The following EPHA6 variants were observed in gnomAD, a reference collection of about 807,000 sequenced individuals.
The protein encoded by EPHA6 is EPH receptor A6.
A neutral mutation model predicts 112.0 loss-of-function variants in EPHA6; 50 were observed. The ratio of observed to expected loss-of-function variants is 0.45; its 90% CI spans 0.36 to 0.56. EPHA6 has a LOEUF of 0.56. Ranked by LOEUF, EPHA6 falls within the 20% of genes least tolerant of loss-of-function variation. The pLI is 0.00. For missense variants in EPHA6, 1,280 were observed against 1,417.4 expected (o/e 0.90, Z 1.56); for synonymous variants, 529 against 490.7 (o/e 1.08, Z -1.03).
At chr3:97,074,217 T>A (rs1364650378) in intron 3 of EPHA6, among the ~76,000 whole-genome samples, 2 of 152,002 alleles carry the variant, frequency 1.3e-5, no homozygotes, top group Non-Finnish European at 2.9e-5. Context: ...CAATAGAAAA[T>A]CAACATACTT....
At chr3:96,842,127 A>G (rs1000989472) in intron 1 of EPHA6, among the ~76,000 whole-genome samples, 3 of 152,248 alleles carry the variant, frequency 2.0e-5, no homozygotes, top group East Asian at 1.9e-4. Context: ...CCTAAAAGGA[A>G]GATCTGATTC....
At chr3:97,573,444 C>A (rs1405303622) in intron 11 of EPHA6, among the ~76,000 whole-genome samples, 2 of 152,016 alleles carry the variant, frequency 1.3e-5, no homozygotes, top group Admixed American at 6.6e-5. Context: ...TTAAAGAGTT[C>A]TTTTATAGTC....
intron 6 of EPHA6, among the ~76,000 whole-genome samples, chr3:97,445,353 T>C (rs1487506511): frequency 2.0e-5 from 3 of 152,148 alleles, no homozygotes; most frequent in South Asian, 2.1e-4. Flanking sequence ...CACGCAACTA[T>C]GCCTTTGGAG....
At chr3:96,954,369 T>C (rs543210746) in intron 2 of EPHA6, among the ~76,000 whole-genome samples, 7 of 152,198 alleles carry the variant, frequency 4.6e-5, no homozygotes, top group East Asian at 3.9e-4. Context: ...CCAATATCTC[T>C]TTGAACTCAG....
chr3:97,485,693 G>C (rs1204688197), intron 10 of EPHA6, among the ~76,000 whole-genome samples: 1 of 152,196 alleles, frequency 6.6e-6, no homozygotes, highest in Non-Finnish European at 1.5e-5. Context: ...ACATCAGCAG[G>C]CATAATTGAG....
rs1427732634 is a variant in EPHA6, at chr3:97,077,509, A to G, written c.1114+89516A>G. 5.9e-5 allele frequency among the ~76,000 whole-genome samples: 9 copies of G among 152,204 alleles called. No individual in the cohort carries two copies. The East Asian group carries it at 1.7e-3, about 29-fold the overall frequency. On this transcript the variant is annotated intron_variant, in intron 3 of 17. Coordinates refer to ENST00000389672, the MANE Select transcript of EPHA6 (RefSeq NM_001080448.3). ...TACCCATCAACCCATCATTTACATT[A>G]GGTATTTCTCCCAGTACTATCCCTG...
intron 4 of EPHA6, among the ~76,000 whole-genome samples, chr3:97,243,212 G>C (rs1327710467): frequency 1.3e-5 from 2 of 151,656 alleles, no homozygotes; most frequent in Non-Finnish European, 2.9e-5. Context: ...GTCTCTTTTA[G>C]GCCCACGCTT....
intron 14 of EPHA6, among the ~76,000 whole-genome samples, chr3:97,645,884 T>C (rs1198689950): frequency 6.6e-6 from 1 of 152,128 alleles, no homozygotes; most frequent in Non-Finnish European, 1.5e-5. Flanking sequence ...TATTTGTAAA[T>C]GTTTTTTATA....
chr3:97,397,244 C>A (rs1261327444), intron 5 of EPHA6, among the ~76,000 whole-genome samples: 1 of 151,536 alleles, frequency 6.6e-6, no homozygotes, highest in Non-Finnish European at 1.5e-5. Flanking sequence ...GACTTTTTAG[C>A]ATCAGAGATA....
At chr3:97,123,807 G>A (rs1428092255) in intron 3 of EPHA6, among the ~76,000 whole-genome samples, 3 of 152,076 alleles carry the variant, frequency 2.0e-5, no homozygotes, top group Non-Finnish European at 4.4e-5. Flanking sequence ...ATCAGCCATA[G>A]TGATGTACTT....
intron 2 of EPHA6, among the ~76,000 whole-genome samples, chr3:96,888,095 A>C (rs964468540): frequency 1.3e-5 from 2 of 152,016 alleles, no homozygotes; most frequent in African/African-American, 4.8e-5. Flanking sequence ...CCCTCCCCCA[A>C]GTTCTGGCCA....
At chr3:96,840,226 C>A (rs2034654726) in intron 1 of EPHA6, among the ~76,000 whole-genome samples, 1 of 151,528 alleles carries the variant, frequency 6.6e-6, no homozygotes, top group Non-Finnish European at 1.5e-5. Flanking sequence ...TAGTGATTTT[C>A]TCAGTTTGCT....
At chr3:97,679,095 A>G (rs527564354) in intron 14 of EPHA6, among the ~76,000 whole-genome samples, 1 of 152,154 alleles carries the variant, frequency 6.6e-6, no homozygotes, top group South Asian at 2.1e-4. Flanking sequence ...TTTATTATTT[A>G]TTAGTGATTC....
chr3:96,840,342 T>A (rs2034664758), intron 1 of EPHA6, among the ~76,000 whole-genome samples: 1 of 152,152 alleles, frequency 6.6e-6, no homozygotes, highest in African/African-American at 2.4e-5. Flanking sequence ...AATCTTGATT[T>A]ACTCAGAATT....
chr3:97,609,237 A>G (rs922125669), intron 12 of EPHA6, among the ~76,000 whole-genome samples: 1 of 151,390 alleles, frequency 6.6e-6, no homozygotes, highest in East Asian at 1.9e-4. Flanking sequence ...TCATCATTCA[A>G]AATGGAATAT....
chr3:96,955,419 G>A (rs528812146), intron 2 of EPHA6, among the ~76,000 whole-genome samples: 16 of 152,272 alleles, frequency 1.1e-4, no homozygotes, highest in Non-Finnish European at 4.4e-5. Context: ...CCATGCAAGG[G>A]ATATTTATGG....
At chr3:97,576,110 C>A (rs1488081707) in intron 11 of EPHA6, among the ~76,000 whole-genome samples, 1 of 151,932 alleles carries the variant, frequency 6.6e-6, no homozygotes. Flanking sequence ...ATCTTTGCTA[C>A]CCTAAGGAAT....
At chr3:97,569,341 AT>A (rs1276377761) in intron 11 of EPHA6, among the ~76,000 whole-genome samples, 1 of 152,248 alleles carries the variant, frequency 6.6e-6, no homozygotes, top group African/African-American at 2.4e-5. Context: ...GAATAATCAA[AT>A]GTTAAAAATA....
chr3:97,644,612 A>G (rs1326813872), intron 14 of EPHA6, among the ~76,000 whole-genome samples: 1 of 152,036 alleles, frequency 6.6e-6, no homozygotes, highest in African/African-American at 2.4e-5. Context: ...GGATATCACC[A>G]ACGATCCCAC....
Sources: allele counts gnomAD v4.1 joint callset (sites outside exome capture counted in the v4.1 genomes callset), GRCh38; gene constraint gnomAD v4.1.1; transcripts MANE v1.5; gene names NCBI Gene and HGNC (gene_info 2026-07-23, HGNC 2026-07-21).